The following LRRFIP1 variants were observed in gnomAD, a reference collection of about 807,000 sequenced individuals.
The protein encoded by LRRFIP1 is leucine-rich repeat flightless-interacting protein 1.
A neutral mutation model predicts 104.4 loss-of-function variants in LRRFIP1; 62 were observed. The observed-to-expected ratio is 0.59, with a 90% CI of 0.48 to 0.73. The LOEUF is 0.73. LRRFIP1 is among the 30% of genes least tolerant of loss of function. The pLI is 0.00. For missense variants in LRRFIP1, 796 were observed against 824.5 expected, an observed-to-expected ratio of 0.97 and a Z score of 0.42; for synonymous variants, 300 against 299.0, an observed-to-expected ratio of 1.00 and a Z score of -0.03.
chr2:237,779,601 A>G lies in LRRFIP1; in HGVS notation c.*69A>G, dbSNP rs1151798. 0.99 allele frequency: 1,365,988 copies of G among 1,380,372 alleles called. 675,900 individuals carry two copies. Among genetic ancestry groups the G allele is most frequent in the East Asian group, 1 (42,512 of 42,514 alleles). The allele number at this position is 1,380,372 out of a possible 1,614,324, so 85.5% of individuals were successfully genotyped here. ...TGTTTCATAGGCTTTTCTCTGTCCT[A>G]TCTGGGAGCGCTGCTTCTTCCCCTG... On this transcript the variant is annotated 3_prime_UTR_variant, in exon 24 of 24. Coordinates refer to ENST00000308482, the MANE Select transcript of LRRFIP1 (RefSeq NM_001137550.2).
rs904431179 is a variant in LRRFIP1, at chr2:237,780,455, G to A, written c.*923G>A. 1 of 152,112 alleles carries A rather than the reference G, an allele frequency of 6.6e-6. No homozygotes were observed. Among genetic ancestry groups the A allele is most frequent in the African/African-American group, 2.4e-5 (1 of 41,406 alleles). 9.4% of individuals were successfully genotyped at this position (152,112 alleles called of 1,614,324 possible). ...TTTCTTTCCCTATTTAAAAAAAAAGGTGTTTTCACAGAATGAGTGCACTTA... is the reference window on the plus strand; with the variant it reads ...TTTCTTTCCCTATTTAAAAAAAAAGATGTTTTCACAGAATGAGTGCACTTA... On this transcript the variant is annotated 3_prime_UTR_variant, in exon 24 of 24. Transcript: ENST00000308482.
intron 3 of LRRFIP1, 67 bp downstream of exon 3, chr2:237,714,343 C>T (rs765902025): frequency 1.5e-5 from 19 of 1,308,050 alleles, no homozygotes; most frequent in Non-Finnish European, 2.0e-5. Flanking sequence ...GGCCTGGTCA[C>T]CTTTCAGAAA....
intron 23 of LRRFIP1, among the ~76,000 whole-genome samples, chr2:237,776,780 G>T (rs2061133456): frequency 6.6e-6 from 1 of 152,144 alleles, no homozygotes; most frequent in African/African-American, 2.4e-5. Context: ...TCTTCCGTGT[G>T]TTGTTATGCG....
chr2:237,735,954 C>T lies in LRRFIP1; in HGVS notation c.555+621C>T, dbSNP rs756607167. 5.3e-5 allele frequency among the ~76,000 whole-genome samples: 8 copies of T among 152,202 alleles called. No individual in the cohort carries two copies. Among genetic ancestry groups the T allele is most frequent in the Non-Finnish European group, 8.8e-5 (6 of 68,028 alleles). On this transcript the variant is annotated intron_variant, in intron 10 of 23. Transcript: ENST00000308482. This position sits in a 1 kb window ranked among gnomAD's most constrained non-coding sequence, Gnocchi z 4.6. ...TGGAAACGGAGCGTTCAGTGCTAAC[C>T]GGTGCTCCCTGGCGGTGGATCTCCT...
chr2:237,736,015 T>G (rs990084795), intron 10 of LRRFIP1, among the ~76,000 whole-genome samples: 10 of 152,212 alleles, frequency 6.6e-5, no homozygotes, highest in African/African-American at 2.4e-4. Context: ...TATAAAAATG[T>G]CTTCAAGCCC....
intron 11 of LRRFIP1, among the ~76,000 whole-genome samples, 181 bp downstream of exon 11, chr2:237,739,490 C>G (rs925321113): frequency 6.6e-6 from 1 of 152,206 alleles, no homozygotes; most frequent in African/African-American, 2.4e-5. Context: ...AGATGGGGAT[C>G]TTAGAGGAGG....
chr2:237,709,907 C>G (rs1019353211), intron 2 of LRRFIP1, among the ~76,000 whole-genome samples: 1 of 151,172 alleles, frequency 6.6e-6, no homozygotes, highest in African/African-American at 2.4e-5. Flanking sequence ...GGCTGGAGTA[C>G]AGTGACATGA....
intron 1 of LRRFIP1, 72 bp from the exon 2 acceptor site, chr2:237,708,472 C>A: frequency 8.8e-7 from 1 of 1,134,420 alleles, no homozygotes; most frequent in Non-Finnish European, 1.2e-6. Flanking sequence ...CTTTCCGCAT[C>A]ATCACTGCTG....
chr2:237,688,190 A>T (rs1196856322), intron 1 of LRRFIP1, among the ~76,000 whole-genome samples: 1 of 140,572 alleles, frequency 7.1e-6, no homozygotes, highest in Non-Finnish European at 1.5e-5. Flanking sequence ...AGGCAGTCAG[A>T]CAAAACCCAA....
At chr2:237,713,432 A>G (rs2094195142) in intron 2 of LRRFIP1, among the ~76,000 whole-genome samples, 1 of 152,270 alleles carries the variant, frequency 6.6e-6, no homozygotes, top group African/African-American at 2.4e-5. Flanking sequence ...CTACACTGAT[A>G]GAAGAAAATG....
intron 1 of LRRFIP1, among the ~76,000 whole-genome samples, chr2:237,636,097 CAAAAA>C (rs58896300): frequency 7.9e-6 from 1 of 127,000 alleles, no homozygotes; most frequent in Non-Finnish European, 1.7e-5. Context: ...AACTCTGTCT[CAAAAA>C]AAAAAAAAAA....
chr2:237,705,534 C>T (rs1443249535), intron 1 of LRRFIP1, among the ~76,000 whole-genome samples: 1 of 152,080 alleles, frequency 6.6e-6, no homozygotes, highest in African/African-American at 2.4e-5. Context: ...GTGGTGGCAC[C>T]TGCCCTGTAG....
At chr2:237,692,507 G>A in intron 1 of LRRFIP1, 2 of 1,531,740 alleles carry the variant, frequency 1.3e-6, no homozygotes, top group South Asian at 2.4e-5. Flanking sequence ...TTTGAGCCCG[G>A]AAGCGCAGAA....
At chr2:237,709,848 A>G (rs1017290921) in intron 2 of LRRFIP1, among the ~76,000 whole-genome samples, 5 of 151,764 alleles carry the variant, frequency 3.3e-5, no homozygotes, top group Non-Finnish European at 7.4e-5. Flanking sequence ...AAATATGTAT[A>G]TGTATAATTT....
At chr2:237,684,997 G>A (rs2092231385) in intron 1 of LRRFIP1, among the ~76,000 whole-genome samples, 1 of 152,018 alleles carries the variant, frequency 6.6e-6, no homozygotes, top group African/African-American at 2.4e-5. Flanking sequence ...TGAGTTGGGA[G>A]GATAGCTTGA....
chr2:237,630,893 A>G (rs975431201), intron 1 of LRRFIP1, among the ~76,000 whole-genome samples: 17 of 152,210 alleles, frequency 1.1e-4, no homozygotes. Context: ...TGTGGAGCCC[A>G]CACACCGTCT....
At chr2:237,654,968 A>C (rs1480757840) in intron 1 of LRRFIP1, among the ~76,000 whole-genome samples, 1 of 151,952 alleles carries the variant, frequency 6.6e-6, no homozygotes, top group African/African-American at 2.4e-5. Flanking sequence ...TGGTATCGAG[A>C]CACAATGGAG....
intron 19 of LRRFIP1, chr2:237,762,978 A>G: frequency 6.2e-7 from 1 of 1,614,246 alleles, no homozygotes; most frequent in Non-Finnish European, 8.5e-7. Context: ...CACACAGAGA[A>G]TGTGGGAGAG....
At chr2:237,707,537 G>A (rs774765032) in intron 1 of LRRFIP1, among the ~76,000 whole-genome samples, 2 of 151,926 alleles carry the variant, frequency 1.3e-5, no homozygotes, top group Non-Finnish European at 2.9e-5. Flanking sequence ...ACCATTGTTG[G>A]AAGGATTACA....
Sources: allele counts gnomAD v4.1 joint callset (sites outside exome capture counted in the v4.1 genomes callset), GRCh38; gene constraint gnomAD v4.1.1; non-coding constraint Gnocchi (gnomAD v3.1); transcripts MANE v1.5; gene names NCBI Gene and HGNC (gene_info 2026-07-23, HGNC 2026-07-21).